ZNF518A: variants seen among roughly 807,000 people sequenced by gnomAD.
ZNF518A encodes the protein zinc finger protein 518A, also known as zinc finger protein 518.
Under a neutral mutation model 102.7 loss-of-function variants are expected in ZNF518A, and 47 were observed. The ratio of observed to expected loss-of-function variants is 0.46; its 90% CI spans 0.36 to 0.58. The LOEUF is 0.58. Among genes scored for constraint, ZNF518A ranks in the 20% least tolerant of loss-of-function variants. ZNF518A has a pLI of 0.00. For missense variants in ZNF518A, 1,793 were observed against 1,699.8 expected, an observed-to-expected ratio of 1.05 and a Z score of -0.96; for synonymous variants, 652 against 594.6, an observed-to-expected ratio of 1.10 and a Z score of -1.40.
chr10:96,186,413 T>G (rs2083272214), intron 1 of ZNF518A, among the ~76,000 whole-genome samples: 2 of 152,198 alleles, frequency 1.3e-5, no homozygotes, highest in African/African-American at 2.4e-5. Context: ...GGTTGCTTTT[T>G]TTTTTGACGG....
In ZNF518A at chr10:96,156,440, A is replaced by C; in HGVS notation, c.118A>C (p.Ser40Arg). 1 of 1,613,238 alleles carries C rather than the reference A, an allele frequency of 6.2e-7. No individual in the cohort carries two copies. Among genetic ancestry groups the C allele is most frequent in the Non-Finnish European group, 8.5e-7 (1 of 1,179,606 alleles). Residue 40 changes from serine (S) to arginine (R), a missense_variant, in exon 6 of 6, where the codon AGT (serine) becomes CGT (arginine). Coordinates refer to ENST00000316045, the MANE Select transcript of ZNF518A (RefSeq NM_001330736.2). The stretch of plus-strand genomic sequence containing the variant: ...GGCACCTAAACCAAAAATTTCAGGA[A>C]GTATTCATTATGCACTAAAAAATGT... ...RSAPKPKISG[S>R]IHYALKNVKI...
intron 3 of ZNF518A, among the ~76,000 whole-genome samples, chr10:96,152,682 T>C (rs1554880803): frequency 2.6e-5 from 4 of 152,248 alleles, no homozygotes; most frequent in South Asian, 4.1e-4. Context: ...TTACACACTT[T>C]GACTATATGG....
At chr10:96,140,085 C>T (rs906234069) in intron 3 of ZNF518A, among the ~76,000 whole-genome samples, 3 of 151,934 alleles carry the variant, frequency 2.0e-5, no homozygotes, top group Non-Finnish European at 2.9e-5. Context: ...CTCAAACTCC[C>T]GACCTCAGGT....
At chr10:96,171,905 A>G (rs2133883773) in intron 1 of ZNF518A, among the ~76,000 whole-genome samples, 1 of 152,254 alleles carries the variant, frequency 6.6e-6, no homozygotes, top group African/African-American at 2.4e-5. Context: ...TCTTGAAATT[A>G]TCATAAGAAA....
At position 96,156,377 on chromosome 10, in the gene ZNF518A, A is replaced by G. The variant is rs868958593; in HGVS notation, c.55A>G (p.Lys19Glu). 6.3e-7 allele frequency: 1 copy of G among 1,593,916 alleles called. No homozygotes were observed. ...FCDEKQTTLK[K>E]DYDVKNEIVD... The stretch of plus-strand genomic sequence containing the variant: ...TGATGAAAAACAAACTACTTTAAAA[A>G]AAGATTATGATGTGAAAAATGAGAT... Residue 19 changes from lysine to glutamate, a missense_variant, in exon 6 of 6, where the codon AAA becomes GAA. Coordinates refer to ENST00000316045, the MANE Select transcript of ZNF518A (RefSeq NM_001330736.2).
intron 1 of ZNF518A, chr10:96,189,278 T>G: frequency 4.7e-6 from 2 of 427,070 alleles, no homozygotes; most frequent in East Asian, 5.1e-5. Flanking sequence ...TCACTCTGCA[T>G]TATAGAAAGG....
At chr10:96,135,334 T>C (rs2081544801) in intron 3 of ZNF518A, 1 of 152,226 alleles carries the variant, frequency 6.6e-6, no homozygotes, top group African/African-American at 2.4e-5. Flanking sequence ...ACTATCCTGG[T>C]GTCCTTCTCA....
chr10:96,182,685 C>T (rs1554892143), intron 1 of ZNF518A, among the ~76,000 whole-genome samples: 1 of 152,162 alleles, frequency 6.6e-6, no homozygotes, highest in Non-Finnish European at 1.5e-5. Context: ...CCAACTTGAT[C>T]ATGGTGGATA....
chr10:96,167,059 A>G (rs587631065), downstream of ZNF518A, among the ~76,000 whole-genome samples: 89 of 152,360 alleles, frequency 5.8e-4, no homozygotes, highest in African/African-American at 2.0e-3. Flanking sequence ...AAATTGAGAT[A>G]TGCAAAGAAA....
chr10:96,132,233 A>G (rs1554872260), intron 1 of ZNF518A, among the ~76,000 whole-genome samples: 2 of 151,526 alleles, frequency 1.3e-5, no homozygotes, highest in African/African-American at 4.9e-5. Flanking sequence ...TTCATGGCAT[A>G]TTAGATACCA....
chr10:96,132,478 G>GTTTT (rs377722008), intron 1 of ZNF518A, 108 bp from the exon 2 acceptor site: 1 of 130,666 alleles, frequency 7.7e-6, no homozygotes. Context: ...TTTTTTCTTA[G>GTTTT]TTTTTTTTTT....
Position 96,152,566 on chromosome 10 carries a change from T to TA in ZNF518A, c.-301-2759dup, listed in dbSNP as rs782227774. On this transcript the variant is annotated intron_variant, in intron 3 of 5. Coordinates refer to ENST00000316045, the MANE Select transcript of ZNF518A (RefSeq NM_001330736.2). ...AACCAGAAAGATACATACACAGTCA[T>TA]ACCTTGTTTAACGATGGGAATACGT... Among the ~76,000 whole-genome samples, 10 of 152,214 alleles carry TA rather than the reference T, an allele frequency of 6.6e-5. No homozygotes were observed. The South Asian group carries it at 2.1e-3, about 32-fold the overall frequency.
intron 3 of ZNF518A, among the ~76,000 whole-genome samples, chr10:96,140,322 T>C (rs78699092): frequency 0.031 from 4,689 of 152,252 alleles, 116 homozygotes; most frequent in African/African-American, 0.065. Context: ...TAACTTCTAA[T>C]CATGGAGGCA....
Position 96,156,898 on chromosome 10 carries a change from C to A in ZNF518A, c.576C>A (p.Asn192Lys), listed in dbSNP as rs1554882850. Reference protein sequence around the residue: ...CNNESVYTLLNLTKHFTSTHC... With the variant: ...CNNESVYTLLKLTKHFTSTHC... ...ATGAGAGTGTATATACTTTACTGAA[C>A]TTGACAAAGCATTTCACATCCACAC... is the stretch of plus-strand genomic sequence containing the variant. Residue 192 changes from asparagine (N) to lysine (K), a missense_variant, in exon 6 of 6, where the codon AAC becomes AAA. By Grantham distance (94) the Asn-to-Lys change is moderately conservative (BLOSUM62 0). This residue lies in a region of ZNF518A where 1,741 missense variants were observed against 1,622.6 expected (regional missense o/e 1.07). Coordinates refer to ENST00000316045, the MANE Select transcript of ZNF518A (RefSeq NM_001330736.2). The A allele has an allele frequency of 6.2e-7, 1 of 1,613,750 alleles. No individual in the cohort carries two copies. The highest frequency in any genetic ancestry group is 8.5e-7 in the Non-Finnish European group (1 of 1,179,770).
intron 1 of ZNF518A, among the ~76,000 whole-genome samples, chr10:96,185,931 G>C (rs971906167): frequency 6.6e-6 from 1 of 152,230 alleles, no homozygotes; most frequent in Admixed American, 6.5e-5. Context: ...AGCAATGGCA[G>C]ACGCCTCTCC....
rs2083344599 is a variant in ZNF518A, at chr10:96,192,223, A to G, written n.36-11351A>G. 7 of 1,299,582 alleles carry G rather than the reference A, an allele frequency of 5.4e-6. No individual in the cohort carries two copies. The Admixed American group carries it at 7.9e-5, about 15-fold the overall frequency. 80.5% of individuals were successfully genotyped at this position (1,299,582 alleles called of 1,614,324 possible). A position where few individuals can be genotyped will look rare whatever the true frequency, so the allele number is the denominator to read the frequency against. ...CCCAGCTGACATTCTGCACAAAAAA[A>G]TCTAGTTTAACAAAGGCTGTAACCT... On this transcript the variant is annotated intron_variant and non_coding_transcript_variant, in intron 1 of 2. Transcript: ENST00000442635.
chr10:96,135,629 C>T (rs989802962), intron 3 of ZNF518A, among the ~76,000 whole-genome samples: 1 of 152,152 alleles, frequency 6.6e-6, no homozygotes, highest in African/African-American at 2.4e-5. Flanking sequence ...ATTATATGTA[C>T]TAGACTGAGT....
At chr10:96,149,525 A>C (rs782168472) in intron 3 of ZNF518A, among the ~76,000 whole-genome samples, 5 of 152,202 alleles carry the variant, frequency 3.3e-5, no homozygotes, top group African/African-American at 1.2e-4. Flanking sequence ...ATCCAACTAT[A>C]AGTCAACCAA....
At chr10:96,202,240 AG>A (rs1256373289) in intron 1 of ZNF518A, among the ~76,000 whole-genome samples, 2 of 152,250 alleles carry the variant, frequency 1.3e-5, no homozygotes, top group South Asian at 4.1e-4. Context: ...GGTTTTGAAC[AG>A]GGGGGTAACA....
Sources: allele counts gnomAD v4.1 joint callset (sites outside exome capture counted in the v4.1 genomes callset), GRCh38; gene constraint gnomAD v4.1.1; regional missense constraint gnomAD v4.1.1; transcripts MANE v1.5; gene names NCBI Gene and HGNC (gene_info 2026-07-23, HGNC 2026-07-21).